Variants in SPATA13 observed in about 807,000 individuals in gnomAD.
SPATA13 encodes the protein spermatogenesis associated 13.
SPATA13 carries 50 observed loss-of-function variants against 104.0 expected under a neutral mutation model. The observed-to-expected ratio is 0.48, with a 90% CI of 0.38 to 0.61. The LOEUF (loss-of-function observed/expected upper bound fraction) is 0.61. Among genes scored for constraint, SPATA13 ranks in the 20% least tolerant of loss-of-function variants. The probability of loss-of-function intolerance (pLI) is 0.00; values close to 1 mark genes in which losing one functional copy is unlikely to be tolerated. For missense variants in SPATA13, 1,524 were observed against 1,690.6 expected (o/e 0.90, Z 1.73); for synonymous variants, 606 against 667.5 (o/e 0.91, Z 1.42).
At chr13:24,047,705 A>T (rs1878199889) in intron 3 of SPATA13, among the ~76,000 whole-genome samples, 1 of 152,016 alleles carries the variant, frequency 6.6e-6, no homozygotes, top group African/African-American at 2.4e-5. Flanking sequence ...TCTCTTTTTC[A>T]TGTTGGCTTT....
chr13:24,220,979 T>C (rs1254082420), intron 1 of SPATA13, among the ~76,000 whole-genome samples: 1 of 152,240 alleles, frequency 6.6e-6, no homozygotes, highest in Non-Finnish European at 1.5e-5. Flanking sequence ...AATGTCCTCC[T>C]CTTGTTCCTC....
At chr13:24,228,108 CTTT>C (rs71186818) in intron 2 of SPATA13, among the ~76,000 whole-genome samples, 101 of 102,264 alleles carry the variant, frequency 9.9e-4, no homozygotes, top group African/African-American at 3.8e-3. Flanking sequence ...CTCTTGTACT[CTTT>C]TTTTTTTTTT....
At chr13:24,100,159 C>A (rs1356987853) in intron 3 of SPATA13, among the ~76,000 whole-genome samples, 1 of 151,474 alleles carries the variant, frequency 6.6e-6, no homozygotes, top group Non-Finnish European at 1.5e-5. Flanking sequence ...AAAAAAGAAT[C>A]AAACCAAGGA....
chr13:24,171,875 G>T (rs190718327), intron 1 of SPATA13, among the ~76,000 whole-genome samples: 1 of 152,150 alleles, frequency 6.6e-6, no homozygotes, highest in Non-Finnish European at 1.5e-5. Context: ...TGAAAGTTAA[G>T]GCAGTATATA....
At chr13:24,132,524 G>A (rs1043071346) in intron 3 of SPATA13, among the ~76,000 whole-genome samples, 2 of 152,224 alleles carry the variant, frequency 1.3e-5, no homozygotes, top group Non-Finnish European at 2.9e-5. Context: ...TAAACTAACT[G>A]CCAAAACAAC....
At chr13:24,169,299 A>C (rs527828971) in intron 1 of SPATA13, among the ~76,000 whole-genome samples, 4 of 151,312 alleles carry the variant, frequency 2.6e-5, no homozygotes, top group Non-Finnish European at 3.0e-5. Flanking sequence ...TGAGGTGCTA[A>C]CCCTGGAAAG....
chr13:24,226,224 G>A (rs539204009), intron 2 of SPATA13, among the ~76,000 whole-genome samples: 1 of 152,302 alleles, frequency 6.6e-6, no homozygotes, highest in African/African-American at 2.4e-5. Context: ...GAGGCTTCAG[G>A]CTGTCCCTGG....
chr13:24,103,883 AG>A (rs924941443), intron 3 of SPATA13, among the ~76,000 whole-genome samples: 9 of 151,998 alleles, frequency 5.9e-5, no homozygotes, highest in Non-Finnish European at 1.2e-4. Flanking sequence ...ACTATTCCTG[AG>A]GGGGAAAATC....
Position 24,302,873 on chromosome 13 carries a change from T to C in SPATA13, c.*100T>C, listed in dbSNP as rs756638946. 2.0e-6 allele frequency: 3 copies of C among 1,494,140 alleles called. No homozygotes were observed. The highest frequency in any genetic ancestry group is 3.5e-5 in the Admixed American group (2 of 56,884). The allele number at this position is 1,494,140 out of a possible 1,614,324, so 92.6% of individuals were successfully genotyped here. On this transcript the variant is annotated 3_prime_UTR_variant, in exon 13 of 13. Transcript: ENST00000382108. ...AGGGAAAGTTTCTTGGACCCAGTGATAAAAACTTCCTTTTAGGGATCAATG... is the reference window on the plus strand; with the variant it reads ...AGGGAAAGTTTCTTGGACCCAGTGACAAAAACTTCCTTTTAGGGATCAATG...
At chr13:23,995,338 T>C (rs1875628024) in intron 2 of SPATA13, among the ~76,000 whole-genome samples, 1 of 152,216 alleles carries the variant, frequency 6.6e-6, no homozygotes, top group Non-Finnish European at 1.5e-5. Flanking sequence ...CAAATCCAAG[T>C]GATGAATCCC....
In SPATA13 at chr13:24,305,234, C is replaced by T. The variant is rs1275105902; in HGVS notation, c.*2461C>T. 2.0e-5 allele frequency: 3 copies of T among 152,178 alleles called. No homozygotes were observed. Among genetic ancestry groups the T allele is most frequent in the African/African-American group, 7.2e-5 (3 of 41,518 alleles). The allele number at this position is 152,178 out of a possible 1,614,324, so 9.4% of individuals were successfully genotyped here. On this transcript the variant is annotated 3_prime_UTR_variant, in exon 13 of 13. Coordinates refer to ENST00000382108, the MANE Select transcript of SPATA13 (RefSeq NM_001166271.3). ...TATTTTCCAGCTGAGCCCTAACTTC[C>T]GGCTCCCACCTACCTCCACGGACTT...
rs117065930 is a variant in SPATA13 at position 24,290,211 on chromosome 13, G to A, written c.2848-441G>A. 5.8e-4 allele frequency among the ~76,000 whole-genome samples: 88 copies of A among 152,340 alleles called. No homozygotes were observed. The East Asian group carries it at 0.016, about 27-fold the overall frequency. On this transcript the variant is annotated intron_variant, in intron 8 of 12. Coordinates refer to ENST00000382108, the MANE Select transcript of SPATA13 (RefSeq NM_001166271.3). ...GGCAGAGAATTGGGAAGAGAGGTAT[G>A]TTGAAATGGGCATTTTTGAGGAAAA...
chr13:24,202,204 C>T (rs1870449928), intron 1 of SPATA13, among the ~76,000 whole-genome samples: 1 of 151,972 alleles, frequency 6.6e-6, no homozygotes, highest in Non-Finnish European at 1.5e-5. Flanking sequence ...GGATATATTA[C>T]CTTGTTGTGT....
At chr13:24,093,550 G>T (rs1177111129) in intron 3 of SPATA13, among the ~76,000 whole-genome samples, 1 of 152,174 alleles carries the variant, frequency 6.6e-6, no homozygotes, top group African/African-American at 2.4e-5. Flanking sequence ...CAGCTGGAAA[G>T]ATCAGGCCCA....
chr13:24,224,142 G>T lies in SPATA13; in HGVS notation c.1213G>T (p.Ala405Ser). 1 of 1,551,720 alleles carries T rather than the reference G, an allele frequency of 6.4e-7. No homozygotes were observed. Among genetic ancestry groups the T allele is most frequent in the African/African-American group, 1.4e-5 (1 of 73,176 alleles). Residue 405 changes from alanine to serine, a missense_variant, in exon 2 of 13, where the codon GCT becomes TCT. Physicochemically the swap from Ala to Ser is moderately conservative, Grantham distance 99. Around this residue, in one of 2 missense-constraint regions of SPATA13, gnomAD observed 1,089 missense variants for 1,135.9 expected, o/e 0.96. Transcript: ENST00000382108. ...CACCTCTAAGGGGCCCCACCTAGAC[G>T]CTGACACTGCCGTATTTCCTCTTGA... The part of the protein sequence containing the change: ...SATSKGPHLD[A>S]DTAVFPLETK...
intron 1 of SPATA13, among the ~76,000 whole-genome samples, chr13:24,221,077 AG>A (rs1277412322): frequency 5.3e-5 from 8 of 152,198 alleles, no homozygotes; most frequent in African/African-American, 1.9e-4. Flanking sequence ...CAGGGTCGTG[AG>A]GCCCAGGAAT....
chr13:24,284,943 G>A (rs2138731195), intron 5 of SPATA13, among the ~76,000 whole-genome samples: 1 of 152,318 alleles, frequency 6.6e-6, no homozygotes, highest in Non-Finnish European at 1.5e-5. Context: ...GAATGGCAGA[G>A]CTGGAGGCAC....
At chr13:24,007,380 G>A (rs1045060092) in intron 2 of SPATA13, among the ~76,000 whole-genome samples, 2 of 152,174 alleles carry the variant, frequency 1.3e-5, no homozygotes, top group Non-Finnish European at 2.9e-5. Flanking sequence ...TGGCCCCTGG[G>A]GCGACTGACT....
intron 3 of SPATA13, among the ~76,000 whole-genome samples, chr13:24,138,378 G>GT (rs1215176545): frequency 6.6e-6 from 1 of 151,694 alleles, no homozygotes; most frequent in Non-Finnish European, 1.5e-5. Flanking sequence ...TACAAATTCT[G>GT]TATTTCCTCC....
Sources: allele counts gnomAD v4.1 joint callset (sites outside exome capture counted in the v4.1 genomes callset), GRCh38; gene constraint gnomAD v4.1.1; regional missense constraint gnomAD v4.1.1; transcripts MANE v1.5; gene names NCBI Gene and HGNC (gene_info 2026-07-23, HGNC 2026-07-21).